Variants in HMBOX1 observed in about 807,000 individuals in gnomAD.
HMBOX1 encodes the protein homeobox-containing protein 1.
HMBOX1 carries 14 observed loss-of-function variants against 54.5 expected under a neutral mutation model. The observed-to-expected ratio is 0.26, with a 90% CI of 0.17 to 0.40. The LOEUF (loss-of-function observed/expected upper bound fraction) is 0.40, where lower values mean the gene tolerates loss of function less well. Ranked by LOEUF, HMBOX1 falls within the 10% of genes least tolerant of loss-of-function variation. HMBOX1 has a pLI of 1.00. For missense variants in HMBOX1, 332 were observed against 514.4 expected (o/e 0.65, Z 3.43); for synonymous variants, 160 against 181.0 (o/e 0.88, Z 0.93).
chr8:28,912,448 T>C (rs147583058), intron 1 of HMBOX1, among the ~76,000 whole-genome samples: 36 of 152,316 alleles, frequency 2.4e-4, no homozygotes, highest in African/African-American at 8.2e-4. Context: ...ATAGACAATA[T>C]TGACTATTCT....
intron 1 of HMBOX1, chr8:28,891,550 G>C (rs1810957476): frequency 6.6e-6 from 1 of 152,330 alleles, no homozygotes; most frequent in Admixed American, 6.5e-5. Context: ...GGGGGGCCTG[G>C]GGTGGGGGTC....
At chr8:29,045,843 G>A (rs1805491668) in intron 7 of HMBOX1, among the ~76,000 whole-genome samples, 1 of 152,034 alleles carries the variant, frequency 6.6e-6, no homozygotes, top group African/African-American at 2.4e-5. Context: ...GTTATAAATT[G>A]TAAAATGCTA....
At chr8:28,975,543 G>A (rs1407763472) in intron 3 of HMBOX1, among the ~76,000 whole-genome samples, 2 of 152,092 alleles carry the variant, frequency 1.3e-5, no homozygotes, top group Non-Finnish European at 2.9e-5. Context: ...ATTTCATCCT[G>A]GTGTGGAAAT....
In HMBOX1 at chr8:28,996,901, T is replaced by C. The variant is rs140578450; in HGVS notation, c.587-12171T>C. Among the ~76,000 whole-genome samples the C allele has an allele frequency of 5.7e-3, 872 of 152,304 alleles. 4 individuals are homozygous for C. The highest frequency in any genetic ancestry group is 0.02 in the African/African-American group (847 of 41,552). The stretch of plus-strand genomic sequence containing the variant: ...TTTTCTGAATTTTATTTTTGGATTG[T>C]TTATAGTTAATGGATAGAAATAAGG... On this transcript the variant is annotated intron_variant, in intron 4 of 9. Transcript: ENST00000287701.
intron 1 of HMBOX1, among the ~76,000 whole-genome samples, chr8:28,942,890 T>C (rs1457162830): frequency 2.0e-5 from 3 of 152,212 alleles, no homozygotes; most frequent in Admixed American, 6.5e-5. Context: ...AATTGCTAGG[T>C]TAAAAGTTGT....
intron 1 of HMBOX1, among the ~76,000 whole-genome samples, chr8:28,929,071 A>T (rs766438756): frequency 1.4e-4 from 21 of 152,220 alleles, no homozygotes; most frequent in Non-Finnish European, 2.6e-4. Context: ...ATCATTTCAC[A>T]ATGTATACAT....
intron 3 of HMBOX1, among the ~76,000 whole-genome samples, chr8:28,973,566 A>T (rs953759175): frequency 6.6e-6 from 1 of 152,016 alleles, no homozygotes; most frequent in African/African-American, 2.4e-5. Context: ...CCTTTTAGGA[A>T]TATACTGCCC....
At chr8:28,952,564 T>C (rs1433646295) in intron 1 of HMBOX1, among the ~76,000 whole-genome samples, 2 of 152,188 alleles carry the variant, frequency 1.3e-5, no homozygotes, top group Non-Finnish European at 1.5e-5. Context: ...TGGAGACTAT[T>C]TGCAAAGATT....
chr8:29,003,555 AATATATAT>A (rs71222586), intron 4 of HMBOX1, among the ~76,000 whole-genome samples: 26 of 71,312 alleles, frequency 3.6e-4, no homozygotes, highest in Non-Finnish European at 1.9e-4. Context: ...TTCTGTATTA[AATATATAT>A]ATATATATAT....
intron 4 of HMBOX1, among the ~76,000 whole-genome samples, chr8:29,003,280 T>C (rs1262670821): frequency 6.6e-6 from 1 of 151,854 alleles, no homozygotes; most frequent in African/African-American, 2.4e-5. Flanking sequence ...CATTGCATCA[T>C]AATTTATAAT....
intron 1 of HMBOX1, among the ~76,000 whole-genome samples, chr8:28,904,384 C>A (rs1448701468): frequency 6.6e-6 from 1 of 151,800 alleles, no homozygotes; most frequent in Non-Finnish European, 1.5e-5. Flanking sequence ...AGGTGTGCGC[C>A]ACCATGCCCA....
intron 6 of HMBOX1, among the ~76,000 whole-genome samples, chr8:29,024,998 C>T (rs1226590910): frequency 6.6e-6 from 1 of 152,128 alleles, no homozygotes; most frequent in East Asian, 1.9e-4. Flanking sequence ...AAATTGTCTT[C>T]CACGAAACTG....
chr8:28,929,485 T>G (rs1454588269), intron 1 of HMBOX1, among the ~76,000 whole-genome samples: 1 of 152,040 alleles, frequency 6.6e-6, no homozygotes, highest in Non-Finnish European at 1.5e-5. Context: ...GCCAGAAATA[T>G]TTAGGATGTT....
intron 3 of HMBOX1, among the ~76,000 whole-genome samples, chr8:28,973,803 G>GTTTTTTTTTTTTGTTT (rs1827850641): frequency 1.4e-5 from 1 of 72,618 alleles, no homozygotes; most frequent in African/African-American, 5.2e-5. Context: ...ACATAATGGA[G>GTTTTTTTTTTTTGTTT]TTTTTTTTTT....
intron 1 of HMBOX1, among the ~76,000 whole-genome samples, chr8:28,902,457 A>ACCCAACC (rs1813412827): frequency 6.6e-6 from 1 of 152,152 alleles, no homozygotes; most frequent in South Asian, 2.1e-4. Flanking sequence ...CAGAAAGAGG[A>ACCCAACC]CCCAACCGTG....
At chr8:28,920,001 GTT>G (rs536121826) in intron 1 of HMBOX1, among the ~76,000 whole-genome samples, 3 of 140,710 alleles carry the variant, frequency 2.1e-5, no homozygotes, top group African/African-American at 7.9e-5. Context: ...GTGTGTGTGT[GTT>G]TTTCAATAGC....
At chr8:29,015,715 G>A (rs1452030901) in intron 5 of HMBOX1, among the ~76,000 whole-genome samples, 1 of 152,172 alleles carries the variant, frequency 6.6e-6, no homozygotes, top group Non-Finnish European at 1.5e-5. Context: ...AGAATTTCAT[G>A]TTGGGTAGAG....
chr8:29,007,366 G>A (rs533174917), intron 4 of HMBOX1, among the ~76,000 whole-genome samples: 15 of 152,110 alleles, frequency 9.9e-5, no homozygotes, highest in Non-Finnish European at 1.6e-4. Flanking sequence ...GGTGAAAGCC[G>A]AATTAATTAT....
At chr8:28,935,653 A>G (rs1376487604) in intron 1 of HMBOX1, among the ~76,000 whole-genome samples, 1 of 152,204 alleles carries the variant, frequency 6.6e-6, no homozygotes, top group Non-Finnish European at 1.5e-5. Flanking sequence ...GAGAAACCAA[A>G]AAACATGAAC....
Sources: allele counts gnomAD v4.1 joint callset (sites outside exome capture counted in the v4.1 genomes callset), GRCh38; gene constraint gnomAD v4.1.1; transcripts MANE v1.5; gene names NCBI Gene and HGNC (gene_info 2026-07-23, HGNC 2026-07-21).